Variants in GPAT3 observed in about 807,000 individuals in gnomAD.
GPAT3 encodes 1-AGP acyltransferase 9.
GPAT3 carries 53 observed loss-of-function variants against 58.8 expected under a neutral mutation model. The ratio of observed to expected loss-of-function variants is 0.90; its 90% confidence interval spans 0.72 to 1.13. The LOEUF (loss-of-function observed/expected upper bound fraction) is 1.13, where lower values mean the gene tolerates loss of function less well. GPAT3 is among the 50% of genes most tolerant of loss of function. The pLI, the probability that GPAT3 is intolerant of heterozygous loss-of-function variation, is 0.00. For missense variants in GPAT3, 511 were observed against 527.6 expected (o/e 0.97, Z 0.31); for synonymous variants, 197 against 187.4 (o/e 1.05, Z -0.42).
intron 11 of GPAT3, among the ~76,000 whole-genome samples, chr4:83,603,790 C>CAAAAAAAAAAAAAAAAAAAAAAAAAAAA (rs58399873): frequency 1.7e-5 from 2 of 120,664 alleles, no homozygotes; most frequent in Non-Finnish European, 3.4e-5. Context: ...AACTCTGTCT[C>CAAAAAAAAAAAAAAAAAAAAAAAAAAAA]AAAAAAAAAA....
intron 2 of GPAT3, among the ~76,000 whole-genome samples, chr4:83,573,536 T>A (rs963295951): frequency 6.6e-6 from 1 of 152,238 alleles, no homozygotes; most frequent in African/African-American, 2.4e-5. Flanking sequence ...ATCCCAGTAA[T>A]ACTGGTCCAT....
At chr4:83,598,410 T>C in intron 10 of GPAT3, 2 of 698,492 alleles carry the variant, frequency 2.9e-6, no homozygotes, top group East Asian at 5.6e-5. Flanking sequence ...GATATTATCT[T>C]GGGTAAGACT....
rs1170265411 is a variant in GPAT3, at chr4:83,597,293, C to T, written c.911-137C>T. 5.3e-5 allele frequency: 27 copies of T among 511,946 alleles called. No homozygotes were observed. The Admixed American group carries it at 7.0e-4, about 13-fold the overall frequency. The allele number at this position is 511,946 out of a possible 1,614,324, so 31.7% of individuals were successfully genotyped here. ...TAGGATTACTACCTTGGCAGGGGTT[C>T]GTTTGTGATATGGTAGTACGATGCC... On this transcript the variant is annotated intron_variant, in intron 8 of 11. Coordinates refer to ENST00000264409, the MANE Select transcript of GPAT3 (RefSeq NM_032717.5).
chr4:83,556,903 A>T (rs1345412789), intron 2 of GPAT3, among the ~76,000 whole-genome samples: 2 of 152,192 alleles, frequency 1.3e-5, no homozygotes, highest in African/African-American at 4.8e-5. Flanking sequence ...GATTTTTCAC[A>T]GTTCCGGAGG....
In GPAT3 at chr4:83,551,813, A is replaced by AAAAATCTATCTATCT. The variant is rs768726930; in HGVS notation, c.208+7212_208+7213insAAATCTATCTATCTA. On this transcript the variant is annotated intron_variant, in intron 2 of 11. Coordinates refer to ENST00000264409, the MANE Select transcript of GPAT3 (RefSeq NM_032717.5). ...TCTCGGAAAAAAAAAAAAAAAAAAA[A>AAAAATCTATCTATCT]ATCTATCTATCTATCTATCTATCTA... is the stretch of plus-strand genomic sequence containing the variant. 4.0e-4 allele frequency among the ~76,000 whole-genome samples: 41 copies of AAAAATCTATCTATCT among 102,412 alleles called. 1 individual carries two copies. The highest frequency in any genetic ancestry group is 7.4e-4 in the African/African-American group (16 of 21,498). The allele number at this position is 102,412 out of a possible 152,430, so 67.2% of individuals were successfully genotyped here. A position where few individuals can be genotyped will look rare whatever the true frequency, so the allele number is the denominator to read the frequency against.
intron 7 of GPAT3, 144 bp downstream of exon 7, chr4:83,595,104 C>T: frequency 1.6e-6 from 1 of 619,400 alleles, no homozygotes. Flanking sequence ...TGGCAAATCA[C>T]CTGTCTTAGC....
chr4:83,576,092 A>G (rs1369821753), intron 2 of GPAT3, among the ~76,000 whole-genome samples: 4 of 152,224 alleles, frequency 2.6e-5, no homozygotes, highest in Non-Finnish European at 5.9e-5. Flanking sequence ...TGTGTTCCAC[A>G]TATCGTTTTG....
chr4:83,577,191 A>C (rs2110093294), intron 2 of GPAT3, among the ~76,000 whole-genome samples: 1 of 152,342 alleles, frequency 6.6e-6, no homozygotes, highest in South Asian at 2.1e-4. Context: ...ACTTTTAAGA[A>C]ATGTCAGTAT....
intron 2 of GPAT3, among the ~76,000 whole-genome samples, chr4:83,561,587 A>G (rs190025241): frequency 6.6e-6 from 1 of 152,256 alleles, no homozygotes; most frequent in East Asian, 1.9e-4. Flanking sequence ...CACAAATGAT[A>G]TCAAGTGTGT....
chr4:83,561,662 A>G (rs1396983668), intron 2 of GPAT3, among the ~76,000 whole-genome samples: 2 of 152,208 alleles, frequency 1.3e-5, no homozygotes, highest in Admixed American at 1.3e-4. Context: ...TTCCACTGGC[A>G]TACTGTACAA....
chr4:83,537,967 G>A (rs1290572910), intron 1 of GPAT3, among the ~76,000 whole-genome samples: 1 of 152,152 alleles, frequency 6.6e-6, no homozygotes, highest in Non-Finnish European at 1.5e-5. Flanking sequence ...GTTCAAATGA[G>A]TTAAAAGGTA....
chr4:83,581,304 A>G (rs1240355914), intron 2 of GPAT3, among the ~76,000 whole-genome samples: 1 of 151,934 alleles, frequency 6.6e-6, no homozygotes, highest in Non-Finnish European at 1.5e-5. Flanking sequence ...AATTCCAAAC[A>G]AGAGGATTAT....
chr4:83,580,639 A>G (rs186577242), intron 2 of GPAT3, among the ~76,000 whole-genome samples: 21 of 152,304 alleles, frequency 1.4e-4, no homozygotes, highest in Non-Finnish European at 2.1e-4. Context: ...ATTGAATAAA[A>G]TGCTGCTGAT....
Position 83,558,977 on chromosome 4 carries a change from ATGGAACAAAAAGAT to A in GPAT3, c.208+14379_208+14392del, listed in dbSNP as rs1393036261. On this transcript the variant is annotated intron_variant, in intron 2 of 11. Transcript: ENST00000264409. Reference sequence around the variant, plus strand: ...CCACATTTTCTCAAATTCTTAAGAGATGGAACAAAAAGATTGGCTTAAATGGAAATAAAAGAATT... The same window carrying A: ...CCACATTTTCTCAAATTCTTAAGAGATGGCTTAAATGGAAATAAAAGAATT... Among the ~76,000 whole-genome samples, 17 of 152,356 alleles carry A rather than the reference ATGGAACAAAAAGAT, an allele frequency of 1.1e-4. No individual in the cohort carries two copies. In the East Asian group the frequency reaches 3.3e-3, roughly 29 times the overall value.
chr4:83,553,331 T>A (rs1724822060), intron 2 of GPAT3, among the ~76,000 whole-genome samples: 1 of 152,240 alleles, frequency 6.6e-6, no homozygotes, highest in Non-Finnish European at 1.5e-5. Context: ...AGGACATTCA[T>A]AAAATGTCTT....
intron 2 of GPAT3, among the ~76,000 whole-genome samples, chr4:83,549,642 C>T (rs1394235202): frequency 1.3e-5 from 2 of 150,332 alleles, no homozygotes; most frequent in Admixed American, 6.6e-5. Flanking sequence ...CAGCAATTCT[C>T]CTGCCTCAGC....
At position 83,581,807 on chromosome 4, in the gene GPAT3, C is replaced by T. The variant is rs777414964; in HGVS notation, c.454C>T (p.Arg152Cys). The T allele has an allele frequency of 1.7e-5, 27 of 1,613,256 alleles. No homozygotes were observed. Among genetic ancestry groups the T allele is most frequent in the Admixed American group, 5.0e-5 (3 of 59,970 alleles). ...TMVWVLGVIV[R>C]YCVLLPLRVT... ...GGTGTGGGTGCTGGGCGTCATAGTG[C>T]GCTATTGTGTCCTACTGCCTCTGAG... Residue 152 changes from arginine to cysteine, a missense_variant, in exon 3 of 12, where the codon CGC becomes TGC. By Grantham distance (180) the Arg-to-Cys change is radical. Transcript: ENST00000264409.
At chr4:83,602,689 A>C (rs960800056) in intron 11 of GPAT3, among the ~76,000 whole-genome samples, 1 of 152,220 alleles carries the variant, frequency 6.6e-6, no homozygotes, top group African/African-American at 2.4e-5. Flanking sequence ...AGAATTGTAC[A>C]AAATGATGTC....
intron 2 of GPAT3, among the ~76,000 whole-genome samples, chr4:83,558,359 A>G (rs182713846): frequency 6.6e-6 from 1 of 152,360 alleles, no homozygotes; most frequent in East Asian, 1.9e-4. Flanking sequence ...GGTGTGCCAC[A>G]GAATGACAGA....
Sources: allele counts gnomAD v4.1 joint callset (sites outside exome capture counted in the v4.1 genomes callset), GRCh38; gene constraint gnomAD v4.1.1; transcripts MANE v1.5; gene names NCBI Gene and HGNC (gene_info 2026-07-23, HGNC 2026-07-21).